The following MYO1B variants were observed in gnomAD, a reference collection of about 807,000 sequenced individuals.
MYO1B encodes myosin IB, also known as unconventional myosin-Ib.
A neutral mutation model predicts 159.7 loss-of-function variants in MYO1B; 72 were observed. The observed-to-expected ratio is 0.45, with a 90% confidence interval of 0.37 to 0.55. MYO1B has a LOEUF of 0.55. Among genes scored for constraint, MYO1B ranks in the 20% least tolerant of loss-of-function variants. The pLI is 0.00. For missense variants in MYO1B, 1,062 were observed against 1,364.8 expected (o/e 0.78, Z 3.50); for synonymous variants, 468 against 473.8 (o/e 0.99, Z 0.16).
intron 1 of MYO1B, chr2:191,246,451 C>G (rs1685800262): frequency 6.6e-6 from 1 of 152,322 alleles, no homozygotes; most frequent in African/African-American, 2.4e-5. Flanking sequence ...GGCTTCGGCC[C>G]AGCGTTTATT....
intron 5 of MYO1B, among the ~76,000 whole-genome samples, chr2:191,344,987 G>C (rs1468922004): frequency 6.6e-6 from 1 of 152,184 alleles, no homozygotes; most frequent in Non-Finnish European, 1.5e-5. Flanking sequence ...TCAAAAGTCA[G>C]ACCAGATTTT....
At chr2:191,357,749 A>G (rs1263890782) in intron 7 of MYO1B, among the ~76,000 whole-genome samples, 1 of 152,172 alleles carries the variant, frequency 6.6e-6, no homozygotes, top group African/African-American at 2.4e-5. Flanking sequence ...CCTATAGTGA[A>G]TTGAATTTAT....
rs534847901 is a variant in MYO1B at position 191,411,256 on chromosome 2, G to A, written c.2873+84G>A. ...TTGTACGCCGTTTTGCCTGGTGTTT[G>A]ATTTCAGTCTTAGATGAGTGATTTT... On this transcript the variant is annotated intron_variant, in intron 27 of 30. Coordinates refer to ENST00000392318, the MANE Select transcript of MYO1B (RefSeq NM_001130158.3). 28 of 807,206 alleles carry A rather than the reference G, an allele frequency of 3.5e-5. No individual in the cohort carries two copies. In the African/African-American group the frequency reaches 4.0e-4, roughly 12 times the overall value. The allele number at this position is 807,206 out of a possible 1,614,324, so 50.0% of individuals were successfully genotyped here.
In MYO1B at chr2:191,389,501, G is replaced by A. The variant is rs73060765; in HGVS notation, c.1782-791G>A. Among the ~76,000 whole-genome samples the A allele has an allele frequency of 6.7e-3, 1,021 of 152,312 alleles. 9 individuals carry two copies. Among genetic ancestry groups the A allele is most frequent in the African/African-American group, 0.023 (969 of 41,570 alleles). Reference sequence around the variant, plus strand: ...GCATGGAGGAAGATGGCTGTCCACCGTGTCAACATTTGCAGCCAGCAGTAA... The same window carrying A: ...GCATGGAGGAAGATGGCTGTCCACCATGTCAACATTTGCAGCCAGCAGTAA... On this transcript the variant is annotated intron_variant, in intron 17 of 30. Transcript: ENST00000392318.
chr2:191,419,318 A>T (rs1487999133), intron 30 of MYO1B, among the ~76,000 whole-genome samples: 1 of 151,766 alleles, frequency 6.6e-6, no homozygotes, highest in Non-Finnish European at 1.5e-5. Context: ...TCCTGGGTTC[A>T]TGCCATTCTC....
intron 4 of MYO1B, among the ~76,000 whole-genome samples, chr2:191,338,598 ATT>A (rs1482353963): frequency 3.3e-5 from 5 of 152,158 alleles, no homozygotes; most frequent in Non-Finnish European, 5.9e-5. Context: ...GGTCAAATCA[ATT>A]CTAGTAGCCA....
intron 3 of MYO1B, among the ~76,000 whole-genome samples, chr2:191,329,531 G>A (rs1457594924): frequency 6.7e-6 from 1 of 150,188 alleles, no homozygotes; most frequent in African/African-American, 2.4e-5. Flanking sequence ...TGAGTTACCT[G>A]GATTTTAGTT....
chr2:191,298,000 T>C (rs554149999), intron 3 of MYO1B, among the ~76,000 whole-genome samples: 17 of 152,340 alleles, frequency 1.1e-4, no homozygotes, highest in African/African-American at 4.1e-4. Context: ...GAAAGTCTCA[T>C]TATGTCCTAG....
chr2:191,315,837 A>G (rs1690311529), intron 3 of MYO1B, among the ~76,000 whole-genome samples: 1 of 152,228 alleles, frequency 6.6e-6, no homozygotes, highest in Admixed American at 6.5e-5. Context: ...AGGAAAAGCA[A>G]ATCTATAAGA....
chr2:191,364,717 G>A (rs549530582), intron 11 of MYO1B, among the ~76,000 whole-genome samples: 48 of 152,344 alleles, frequency 3.2e-4, no homozygotes, highest in African/African-American at 1.2e-3. Context: ...GAGTGAAAGC[G>A]AGGGACCTTC....
intron 1 of MYO1B, among the ~76,000 whole-genome samples, chr2:191,254,013 G>C (rs2125666041): frequency 6.6e-6 from 1 of 152,264 alleles, no homozygotes; most frequent in South Asian, 2.1e-4. Flanking sequence ...TTGAATGAAT[G>C]ATTTAGTACA....
At chr2:191,298,285 T>C (rs1689104053) in intron 3 of MYO1B, among the ~76,000 whole-genome samples, 1 of 152,246 alleles carries the variant, frequency 6.6e-6, no homozygotes, top group African/African-American at 2.4e-5. Flanking sequence ...GAAGTAGATA[T>C]TGCAAGTGTT....
intron 1 of MYO1B, among the ~76,000 whole-genome samples, chr2:191,272,177 A>G (rs1428767002): frequency 6.6e-6 from 1 of 152,216 alleles, no homozygotes; most frequent in Non-Finnish European, 1.5e-5. Context: ...AACAATTGCA[A>G]TAATATATTT....
chr2:191,418,936 A>G (rs1697755492), intron 30 of MYO1B, among the ~76,000 whole-genome samples: 1 of 152,264 alleles, frequency 6.6e-6, no homozygotes, highest in African/African-American at 2.4e-5. Flanking sequence ...CAAGATGTGT[A>G]ATGCAGTTAT....
chr2:191,405,664 G>T (rs945009764), intron 24 of MYO1B, among the ~76,000 whole-genome samples: 2 of 152,206 alleles, frequency 1.3e-5, no homozygotes, highest in Non-Finnish European at 2.9e-5. Context: ...GTGACCAGGT[G>T]CCTTGTCAGT....
rs142709828 is a variant in MYO1B, at chr2:191,366,082, G to A, written c.1032+1806G>A. 3.0e-3 allele frequency among the ~76,000 whole-genome samples: 458 copies of A among 152,272 alleles called. 2 individuals are homozygous for A. Among genetic ancestry groups the A allele is most frequent in the African/African-American group, 0.011 (437 of 41,554 alleles). On this transcript the variant is annotated intron_variant, in intron 11 of 30. Coordinates refer to ENST00000392318, the MANE Select transcript of MYO1B (RefSeq NM_001130158.3). ...CCAGGATCACATTTTGAGAGCCACC[G>A]AGTTTGGACATTTTCAATAGCCAGA...
In MYO1B at chr2:191,296,145, C is replaced by T. The variant is rs1688970086; in HGVS notation, c.170C>T (p.Pro57Leu). ...YIGSVVISVN[P>L]YRSLPIYSPE... ...GGAAGTGTGGTTATATCTGTTAACC[C>T]ATACCGGTCTTTACCCATTTATTCA... The change falls in exon 3 of 31, where the codon CCA becomes CTA. Residue 57 changes from proline to leucine, a missense_variant. This residue lies in a region of MYO1B where 415 missense variants were observed against 544.0 expected (regional missense o/e 0.76). Transcript: ENST00000392318. 11 of 1,606,804 alleles carry T rather than the reference C, an allele frequency of 6.8e-6. No homozygotes were observed. Among genetic ancestry groups the T allele is most frequent in the Non-Finnish European group, 8.5e-6 (10 of 1,175,474 alleles).
rs764749045 is a variant in MYO1B, at chr2:191,318,228, T to G, written c.252-11707T>G. The stretch of plus-strand genomic sequence containing the variant: ...TAGAGCGAGCTGAGAGGCAGGGAGT[T>G]CCAGGGAAATGAGCCAGGAAAAACA... On this transcript the variant is annotated intron_variant, in intron 3 of 30. Coordinates refer to ENST00000392318, the MANE Select transcript of MYO1B (RefSeq NM_001130158.3). 6.6e-5 allele frequency among the ~76,000 whole-genome samples: 10 copies of G among 152,192 alleles called. 1 individual carries two copies. The highest frequency in any genetic ancestry group is 1.0e-4 in the Non-Finnish European group (7 of 68,026).
At chr2:191,342,478 A>C (rs1692283864) in intron 5 of MYO1B, among the ~76,000 whole-genome samples, 2 of 152,246 alleles carry the variant, frequency 1.3e-5, no homozygotes, top group Non-Finnish European at 2.9e-5. Context: ...GGAGAATGGC[A>C]TACAACATCA....
Sources: allele counts gnomAD v4.1 joint callset (sites outside exome capture counted in the v4.1 genomes callset), GRCh38; gene constraint gnomAD v4.1.1; regional missense constraint gnomAD v4.1.1; transcripts MANE v1.5; gene names NCBI Gene and HGNC (gene_info 2026-07-23, HGNC 2026-07-21).